The following KDM1B variants were observed in gnomAD, a reference collection of about 807,000 sequenced individuals.
KDM1B encodes the protein lysine demethylase 1B.
A neutral mutation model predicts 107.4 loss-of-function variants in KDM1B; 63 were observed. The ratio of observed to expected loss-of-function variants is 0.59; its 90% CI spans 0.48 to 0.72. The LOEUF (loss-of-function observed/expected upper bound fraction) is 0.72, where lower values mean the gene tolerates loss of function less well. KDM1B is among the 30% of genes least tolerant of loss of function. KDM1B has a pLI of 0.00. For missense variants in KDM1B, 749 were observed against 1,020.8 expected (o/e 0.73, Z 3.63); for synonymous variants, 363 against 363.9 (o/e 1.00, Z 0.03).
At chr6:18,188,971 A>AC (rs1787085883) in intron 9 of KDM1B, among the ~76,000 whole-genome samples, 2 of 151,862 alleles carry the variant, frequency 1.3e-5, no homozygotes, top group Admixed American at 1.3e-4. Context: ...TTTAGTAGAG[A>AC]TGGGGTTTCA....
At chr6:18,177,946 CTG>C (rs953629510) in intron 7 of KDM1B, among the ~76,000 whole-genome samples, 1 of 152,146 alleles carries the variant, frequency 6.6e-6, no homozygotes, top group Admixed American at 6.5e-5. Flanking sequence ...GGCATGGTAT[CTG>C]TCTCCATCTT....
chr6:18,199,304 T>C (rs1321080164), intron 12 of KDM1B, among the ~76,000 whole-genome samples: 1 of 152,072 alleles, frequency 6.6e-6, no homozygotes, highest in Non-Finnish European at 1.5e-5. Flanking sequence ...AGAAAGCAGT[T>C]TGGAGAATCA....
intron 10 of KDM1B, among the ~76,000 whole-genome samples, chr6:18,194,304 T>C (rs895679525): frequency 1.3e-5 from 2 of 152,192 alleles, no homozygotes; most frequent in African/African-American, 4.8e-5. Flanking sequence ...TGTAAAGGCG[T>C]GAGCCACCGT....
In KDM1B at chr6:18,171,409, A is replaced by G. The variant is rs1285691701; in HGVS notation, c.464A>G (p.Lys155Arg). The G allele has an allele frequency of 2.5e-6, 4 of 1,613,554 alleles. No homozygotes were observed. The South Asian group carries it at 3.3e-5, about 13-fold the overall frequency. The change falls in exon 7 of 22, where the codon AAG (lysine) becomes AGG (arginine). Residue 155 changes from lysine to arginine, a missense_variant. Coordinates refer to ENST00000650836, the MANE Select transcript of KDM1B (RefSeq NM_001364614.2). The stretch of plus-strand genomic sequence containing the variant: ...TGTAGAAAATGGAGGCAGCTTACCA[A>G]GGAAATCCAGCTTACTCCACAGATA... Reference protein sequence around the residue: ...PECRKWRQLTKEIQLTPQIAK... With the variant: ...PECRKWRQLTREIQLTPQIAK...
chr6:18,183,258 G>GGTT (rs1413905806), intron 7 of KDM1B, among the ~76,000 whole-genome samples: 10 of 61,474 alleles, frequency 1.6e-4, no homozygotes, highest in African/African-American at 4.9e-4. Context: ...AATTTTGTGG[G>GGTT]TTTTTTTTTT....
At chr6:18,161,070 TAAGA>T (rs778495153) in intron 3 of KDM1B, among the ~76,000 whole-genome samples, 5 of 152,152 alleles carry the variant, frequency 3.3e-5, no homozygotes, top group Middle Eastern at 3.2e-3. Flanking sequence ...CACTTTTTTC[TAAGA>T]AAGACTCATA....
At position 18,222,057 on chromosome 6, in the gene KDM1B, T is replaced by G; in HGVS notation, c.*65T>G. On this transcript the variant is annotated 3_prime_UTR_variant, in exon 22 of 22. Transcript: ENST00000650836. ...GGAAATTTGAATCACATGTTAAACC[T>G]CAGTTTTATAAGAGGGGGAAAAAAC... The G allele has an allele frequency of 7.0e-7, 1 of 1,429,612 alleles. No individual in the cohort carries two copies. The highest frequency in any genetic ancestry group is 9.9e-7 in the Non-Finnish European group (1 of 1,011,784). 88.6% of individuals were successfully genotyped at this position (1,429,612 alleles called of 1,614,324 possible).
chr6:18,217,664 G>C, intron 20 of KDM1B, 69 bp from the exon 21 acceptor site: 1 of 1,351,622 alleles, frequency 7.4e-7, no homozygotes, highest in Non-Finnish European at 1.0e-6. Flanking sequence ...CTACAGGCAT[G>C]AGTCACTGCG....
chr6:18,174,626 C>G (rs1235541108), intron 7 of KDM1B, among the ~76,000 whole-genome samples: 1 of 150,970 alleles, frequency 6.6e-6, no homozygotes, highest in Admixed American at 6.6e-5. Context: ...TACTTTTCCC[C>G]CCAAGTCCCC....
chr6:18,215,223 C>G (rs1789132930), intron 20 of KDM1B, 94 bp downstream of exon 20: 2 of 1,418,544 alleles, frequency 1.4e-6, no homozygotes, highest in Non-Finnish European at 1.9e-6. Flanking sequence ...CTGAGAATCA[C>G]AGGAAGGAAG....
intron 7 of KDM1B, 100 bp from the exon 8 acceptor site, chr6:18,185,672 A>G: frequency 9.3e-7 from 1 of 1,075,774 alleles, no homozygotes; most frequent in East Asian, 2.4e-5. Context: ...TTTCTTTGCC[A>G]GCCTGATAGG....
chr6:18,162,809 A>C lies in KDM1B; in HGVS notation c.216-26A>C. On this transcript the variant is annotated intron_variant, in intron 4 of 21. Coordinates refer to ENST00000650836, the MANE Select transcript of KDM1B (RefSeq NM_001364614.2). This position sits in a 1 kb window ranked among gnomAD's most constrained non-coding sequence, Gnocchi z 4.1. ...AGGAGAAATGTTTATTCATTACCAA[A>C]GCTATATGTTTTTCACTATTTTCAG... 7.8e-7 allele frequency: 1 copy of C among 1,288,690 alleles called. No individual in the cohort carries two copies. The highest frequency in any genetic ancestry group is 1.1e-6 in the Non-Finnish European group (1 of 884,206). The allele number at this position is 1,288,690 out of a possible 1,614,324, so 79.8% of individuals were successfully genotyped here.
chr6:18,179,510 G>T (rs1458538310), intron 7 of KDM1B, among the ~76,000 whole-genome samples: 1 of 151,986 alleles, frequency 6.6e-6, no homozygotes, highest in East Asian at 1.9e-4. Flanking sequence ...TGGGCCAGTA[G>T]TTTTCTTTGT....
chr6:18,221,799 G>A (rs1482992531), intron 21 of KDM1B, 110 bp from the exon 22 acceptor site: 2 of 845,746 alleles, frequency 2.4e-6, no homozygotes, highest in South Asian at 1.7e-5. Flanking sequence ...TGAGCACACA[G>A]GAGTGGCACA....
chr6:18,215,262 A>G, intron 20 of KDM1B, 133 bp downstream of exon 20: 1 of 1,016,058 alleles, frequency 9.8e-7, no homozygotes, highest in Non-Finnish European at 1.4e-6. Flanking sequence ...TTTCTTTCAG[A>G]GTCCCACTGC....
chr6:18,161,499 A>T lies in KDM1B; in HGVS notation c.215+45A>T, dbSNP rs1213655036. ...TTGGCCTCCCATTTCTGCTTGTGAG[A>T]AGTTCTTTGTGGAAACATCATCCTT... On this transcript the variant is annotated intron_variant, in intron 4 of 21. Transcript: ENST00000650836. 8 of 1,604,904 alleles carry T rather than the reference A, an allele frequency of 5.0e-6. No homozygotes were observed. In the African/African-American group the frequency reaches 1.1e-4, roughly 21 times the overall value.
chr6:18,208,176 T>C lies in KDM1B; in HGVS notation c.1836T>C (p.Thr612=). The change falls in exon 17 of 22, where the codon ACT becomes ACC. Residue 612 remains threonine (T), a synonymous_variant. Coordinates refer to ENST00000650836, the MANE Select transcript of KDM1B (RefSeq NM_001364614.2). ...DYSGDEVQVT[T]TDGTGYSAQK... Reference sequence around the variant, plus strand: ...CTGGAGATGAAGTGCAGGTTACCACTACAGATGGCACAGGGTATTCTGCAC... The same window carrying C: ...CTGGAGATGAAGTGCAGGTTACCACCACAGATGGCACAGGGTATTCTGCAC... 1.2e-6 allele frequency: 2 copies of C among 1,613,730 alleles called. No individual in the cohort carries two copies. Among genetic ancestry groups the C allele is most frequent in the South Asian group, 2.2e-5 (2 of 91,056 alleles).
In KDM1B at chr6:18,162,781, G is replaced by T; in HGVS notation, c.216-54G>T. On this transcript the variant is annotated intron_variant, in intron 4 of 21. Coordinates refer to ENST00000650836, the MANE Select transcript of KDM1B (RefSeq NM_001364614.2). This position sits in a 1 kb window ranked among gnomAD's most constrained non-coding sequence, Gnocchi z 4.1. ...GCTTGCAAGATGTTTTTTAAAAAAT[G>T]GGAGGAGAAATGTTTATTCATTACC... The T allele has an allele frequency of 9.9e-7, 1 of 1,009,976 alleles. No individual in the cohort carries two copies. The highest frequency in any genetic ancestry group is 1.6e-5 in the African/African-American group (1 of 63,020). 62.6% of individuals were successfully genotyped at this position (1,009,976 alleles called of 1,614,324 possible). A position where few individuals can be genotyped will look rare whatever the true frequency, so the allele number is the denominator to read the frequency against.
rs1181257270 is a variant in KDM1B, at chr6:18,172,601, T to C, written c.534+1122T>C. Among the ~76,000 whole-genome samples, 1 of 152,098 alleles carries C rather than the reference T, an allele frequency of 6.6e-6. No individual in the cohort carries two copies. Among genetic ancestry groups the C allele is most frequent in the African/African-American group, 2.4e-5 (1 of 41,418 alleles). ...CAAACATTCCAAAATCCAAAACACT[T>C]CTGGTCCCAAGCATTTCAAATAAGA... On this transcript the variant is annotated intron_variant, in intron 7 of 21. Transcript: ENST00000650836. The surrounding 1 kb of genome is among the most constrained non-coding windows in gnomAD (Gnocchi z 5.2).
Sources: gnomAD v4.1 joint callset for allele counts (sites outside exome capture counted in the v4.1 genomes callset) on GRCh38, gnomAD v4.1.1 for gene constraint, Gnocchi (gnomAD v3.1) non-coding constraint, MANE v1.5 for transcripts, NCBI Gene and HGNC (gene_info 2026-07-23, HGNC 2026-07-21) for gene names.